The following ZRANB3 variants were observed in gnomAD, a reference collection of about 807,000 sequenced individuals.
ZRANB3 encodes the protein DNA annealing helicase and endonuclease ZRANB3.
In ZRANB3, 125 loss-of-function variants were observed where a neutral mutation model predicts 133.8. The ratio of observed to expected loss-of-function variants is 0.93; its 90% CI spans 0.81 to 1.08. The LOEUF (loss-of-function observed/expected upper bound fraction) is 1.08, where lower values mean the gene tolerates loss of function less well. ZRANB3 is among the 50% of genes least tolerant of loss of function. The pLI is 0.00. For synonymous variants in ZRANB3, 387 were observed against 432.7 expected (o/e 0.89, Z 1.31); for missense variants, 1,229 against 1,275.5 (o/e 0.96, Z 0.56).
At chr2:135,280,494 G>A (rs2104780712) in intron 8 of ZRANB3, among the ~76,000 whole-genome samples, 1 of 152,274 alleles carries the variant, frequency 6.6e-6, no homozygotes, top group South Asian at 2.1e-4. Context: ...TTGAGCCCGG[G>A]AGGCAGAGGT....
chr2:135,420,088 GATTTATATATATATATATATATAT>G (rs1688767614), intron 2 of ZRANB3, among the ~76,000 whole-genome samples: 1 of 83,848 alleles, frequency 1.2e-5, no homozygotes, highest in Admixed American at 1.6e-4. Flanking sequence ...ATATATCTTA[GATTTATATATATATATATATATAT>G]ATATATATAT....
intron 8 of ZRANB3, 130 bp downstream of exon 8, chr2:135,313,353 CAAAAAA>C: frequency 4.5e-5 from 16 of 351,960 alleles, no homozygotes; most frequent in South Asian, 1.0e-4. Context: ...GCTCCCAACT[CAAAAAA>C]AAAAAAAAAA....
At chr2:135,518,556 C>T (rs566556314) in intron 1 of ZRANB3, among the ~76,000 whole-genome samples, 1 of 152,334 alleles carries the variant, frequency 6.6e-6, no homozygotes, top group Admixed American at 6.5e-5. Flanking sequence ...AACGCCCCAC[C>T]CTGCTTTGGC....
At chr2:135,468,810 A>G (rs1018824289) in intron 2 of ZRANB3, among the ~76,000 whole-genome samples, 4 of 152,222 alleles carry the variant, frequency 2.6e-5, no homozygotes, top group Admixed American at 1.3e-4. Flanking sequence ...TCTGACAGAC[A>G]TATTTGCAAA....
At chr2:135,451,494 G>A (rs543591036) in intron 2 of ZRANB3, among the ~76,000 whole-genome samples, 6 of 151,834 alleles carry the variant, frequency 4.0e-5, no homozygotes, top group South Asian at 2.1e-4. Context: ...CCTGGGAGGC[G>A]GAGGTTGCAG....
intron 2 of ZRANB3, among the ~76,000 whole-genome samples, chr2:135,437,062 C>T (rs113601318): frequency 2.6e-5 from 4 of 152,148 alleles, no homozygotes; most frequent in East Asian, 3.9e-4. Context: ...TGGGTTCAAG[C>T]GATTCTCCTG....
rs528706397 is a variant in ZRANB3, at chr2:135,526,227, T to C, written c.-8+4900A>G. Among the ~76,000 whole-genome samples the C allele has an allele frequency of 4.9e-5, 7 of 144,088 alleles. No individual in the cohort carries two copies. The East Asian group carries it at 1.1e-3, about 22-fold the overall frequency. 94.5% of individuals were successfully genotyped at this position (144,088 alleles called of 152,430 possible). On this transcript the variant is annotated intron_variant, in intron 1 of 20. Transcript: ENST00000264159. ...CGCCCAGGCTGGAGTACAATGGCAC[T>C]ATCTCGGCTCACCGCAACCTCCACC...
intron 2 of ZRANB3, among the ~76,000 whole-genome samples, chr2:135,496,744 A>C (rs1041211951): frequency 1.3e-5 from 2 of 152,192 alleles, no homozygotes; most frequent in African/African-American, 4.8e-5. Flanking sequence ...GAAAGGACTA[A>C]CTGTTCTCTG....
At chr2:135,402,954 A>C (rs1170384474) in intron 2 of ZRANB3, among the ~76,000 whole-genome samples, 1 of 152,040 alleles carries the variant, frequency 6.6e-6, no homozygotes, top group East Asian at 1.9e-4. Flanking sequence ...CCACTGCTAT[A>C]AACAAATGCC....
intron 2 of ZRANB3, among the ~76,000 whole-genome samples, chr2:135,419,769 G>C (rs916399143): frequency 2.0e-5 from 3 of 151,166 alleles, no homozygotes; most frequent in African/African-American, 7.3e-5. Context: ...CCCATAGGCA[G>C]TGTACCCAGA....
chr2:135,295,128 C>T (rs183689805), intron 8 of ZRANB3, among the ~76,000 whole-genome samples: 246 of 150,648 alleles, frequency 1.6e-3, no homozygotes, highest in African/African-American at 4.8e-3. Context: ...TGGTGCAGAG[C>T]TGGGGTTAAC....
intron 2 of ZRANB3, among the ~76,000 whole-genome samples, chr2:135,463,470 T>C (rs897033422): frequency 6.6e-6 from 1 of 151,238 alleles, no homozygotes; most frequent in Non-Finnish European, 1.5e-5. Context: ...CAGGCTGGAG[T>C]GCAGTGGTGT....
chr2:135,273,695 C>T (rs1417297927), intron 9 of ZRANB3, among the ~76,000 whole-genome samples: 8 of 152,148 alleles, frequency 5.3e-5, no homozygotes, highest in East Asian at 1.9e-4. Flanking sequence ...TGTGCCACCA[C>T]GCCCGGCTAA....
chr2:135,250,297 T>C (rs531570829), intron 12 of ZRANB3, among the ~76,000 whole-genome samples: 27 of 152,300 alleles, frequency 1.8e-4, no homozygotes, highest in African/African-American at 6.0e-4. Flanking sequence ...TTGGGTGCTG[T>C]TAAAGGCATT....
In ZRANB3 at chr2:135,468,161, A is replaced by G. The variant is rs114222635; in HGVS notation, c.161+36168T>C. ...AGAAGCTTGGATCAGTACAAGTACTACTTGATAAATGCTCTAATTACCGCA... is the reference window on the plus strand; with the variant it reads ...AGAAGCTTGGATCAGTACAAGTACTGCTTGATAAATGCTCTAATTACCGCA... On this transcript the variant is annotated intron_variant, in intron 2 of 20. Coordinates refer to ENST00000264159, the MANE Select transcript of ZRANB3 (RefSeq NM_032143.4). Among the ~76,000 whole-genome samples the G allele has an allele frequency of 3.0e-3, 452 of 152,348 alleles. 3 individuals carry two copies. Among genetic ancestry groups the G allele is most frequent in the African/African-American group, 0.01 (421 of 41,578 alleles).
At chr2:135,436,620 A>T (rs549459225) in intron 2 of ZRANB3, among the ~76,000 whole-genome samples, 1 of 152,352 alleles carries the variant, frequency 6.6e-6, no homozygotes, top group Non-Finnish European at 1.5e-5. Context: ...GAGAAGATAC[A>T]AACAAATGGA....
chr2:135,254,935 T>C (rs1679580699), intron 12 of ZRANB3, among the ~76,000 whole-genome samples: 1 of 151,942 alleles, frequency 6.6e-6, no homozygotes, highest in African/African-American at 2.4e-5. Flanking sequence ...GTATTTTTAG[T>C]AGAGATGGGA....
At chr2:135,316,983 A>AAAAATATAT (rs35114507) in intron 6 of ZRANB3, among the ~76,000 whole-genome samples, 1 of 131,474 alleles carries the variant, frequency 7.6e-6, no homozygotes, top group African/African-American at 3.2e-5. Context: ...AAAAAAAAAA[A>AAAAATATAT]ATATATATAT....
rs549594466 is a variant in ZRANB3, at chr2:135,485,116, C to T, written c.161+19213G>A. On this transcript the variant is annotated intron_variant, in intron 2 of 20. Transcript: ENST00000264159. ...GTATACCTAGAAAGAACACTTCAGGCTATACATCTCAGAGAAACAAAACAA... is the reference window on the plus strand; with the variant it reads ...GTATACCTAGAAAGAACACTTCAGGTTATACATCTCAGAGAAACAAAACAA... Among the ~76,000 whole-genome samples, 7 of 151,956 alleles carry T rather than the reference C, an allele frequency of 4.6e-5. No individual in the cohort carries two copies. In the South Asian group the frequency reaches 1.5e-3, roughly 32 times the overall value.
Sources: gnomAD v4.1 joint callset for allele counts (sites outside exome capture counted in the v4.1 genomes callset) on GRCh38, gnomAD v4.1.1 for gene constraint, MANE v1.5 for transcripts, NCBI Gene and HGNC (gene_info 2026-07-23, HGNC 2026-07-21) for gene names.